CSMD1: variants seen among roughly 807,000 people sequenced by gnomAD.
CSMD1 encodes CUB and sushi domain-containing protein 1.
Under a neutral mutation model 417.5 loss-of-function variants are expected in CSMD1, and 213 were observed. The observed-to-expected ratio is 0.51, with a 90% CI of 0.46 to 0.57. CSMD1 has a LOEUF of 0.57. Among genes scored for constraint, CSMD1 ranks in the 20% least tolerant of loss-of-function variants. CSMD1 has a pLI of 0.00. For synonymous variants in CSMD1, 2,862 were observed against 1,736.8 expected, an observed-to-expected ratio of 1.65 and a Z score of -16.11; for missense variants, 6,923 against 4,529.7, an observed-to-expected ratio of 1.53 and a Z score of -15.17.
In CSMD1 at chr8:3,359,048, T is replaced by C. The variant is rs1175134664; in HGVS notation, c.3304+104A>G. 4 of 1,060,548 alleles carry C rather than the reference T, an allele frequency of 3.8e-6. No individual in the cohort carries two copies. The East Asian group carries it at 9.7e-5, about 26-fold the overall frequency. 65.7% of individuals were successfully genotyped at this position (1,060,548 alleles called of 1,614,324 possible). A position where few individuals can be genotyped will look rare whatever the true frequency, so the allele number is the denominator to read the frequency against. ...GGAGCCCACACTTTCACCCTCTCCT[T>C]CCTTGTCAACAAACCCCCACCCGAC... On this transcript the variant is annotated intron_variant, in intron 21 of 69. Transcript: ENST00000635120.
chr8:3,492,298 C>G (rs956518936), intron 11 of CSMD1, among the ~76,000 whole-genome samples: 1 of 152,118 alleles, frequency 6.6e-6, no homozygotes, highest in Non-Finnish European at 1.5e-5. Flanking sequence ...AATAAGGAGA[C>G]TTTTCTCCTC....
In CSMD1 at chr8:4,940,328, G is replaced by A. The variant is rs140934305; in HGVS notation, c.85+54004C>T. 5.0e-3 allele frequency among the ~76,000 whole-genome samples: 761 copies of A among 152,248 alleles called. 7 individuals are homozygous for A. The highest frequency in any genetic ancestry group is 0.017 in the African/African-American group (715 of 41,546). On this transcript the variant is annotated intron_variant, in intron 1 of 69. Coordinates refer to ENST00000635120, the MANE Select transcript of CSMD1 (RefSeq NM_033225.6). ...GCTTCAATCTGAATTATTTTCTGAC[G>A]TGCCCATGTAATTTCACATTTTTAA...
intron 42 of CSMD1, among the ~76,000 whole-genome samples, chr8:3,116,523 G>A (rs1008244250): frequency 4.6e-5 from 7 of 152,170 alleles, no homozygotes; most frequent in Admixed American, 1.3e-4. Flanking sequence ...GGTTTTGGGA[G>A]TCTGAAGGGG....
intron 3 of CSMD1, among the ~76,000 whole-genome samples, chr8:4,277,490 T>C (rs1032750492): frequency 6.6e-6 from 1 of 152,144 alleles, no homozygotes; most frequent in African/African-American, 2.4e-5. Flanking sequence ...AAAAAGCATA[T>C]TCTCATTGTT....
chr8:3,785,679 G>C (rs982173152), intron 5 of CSMD1, among the ~76,000 whole-genome samples: 2 of 152,150 alleles, frequency 1.3e-5, no homozygotes, highest in Admixed American at 1.3e-4. Context: ...GGGTGAGTGT[G>C]GGCTGTGTGC....
At chr8:4,330,040 C>G (rs1799780169) in intron 3 of CSMD1, among the ~76,000 whole-genome samples, 1 of 152,246 alleles carries the variant, frequency 6.6e-6, no homozygotes, top group East Asian at 1.9e-4. Context: ...CCAATTAAAC[C>G]TCTTTTCTTC....
At chr8:3,767,038 G>C (rs1345895567) in intron 5 of CSMD1, among the ~76,000 whole-genome samples, 1 of 152,136 alleles carries the variant, frequency 6.6e-6, no homozygotes, top group Admixed American at 6.5e-5. Context: ...CATAACTCCG[G>C]AGCTCTTCAG....
rs148608209 is a variant in CSMD1 at position 4,378,045 on chromosome 8, G to A, written c.415+41908C>T. ...TATTCCCTCTAATATACAGGTAAGT[G>A]TAACACCCACTACTCATTCAATTAC... On this transcript the variant is annotated intron_variant, in intron 3 of 69. Transcript: ENST00000635120. Among the ~76,000 whole-genome samples the A allele has an allele frequency of 1.2e-3, 182 of 152,258 alleles. 2 individuals are homozygous for A. The East Asian group carries it at 0.027, about 23-fold the overall frequency.
At chr8:4,570,859 G>C (rs931562344) in intron 2 of CSMD1, among the ~76,000 whole-genome samples, 3 of 152,110 alleles carry the variant, frequency 2.0e-5, no homozygotes, top group Non-Finnish European at 4.4e-5. Flanking sequence ...CTTCTTCCTG[G>C]TTTAGTCTTG....
intron 5 of CSMD1, among the ~76,000 whole-genome samples, chr8:3,954,448 C>T (rs1034048874): frequency 6.6e-6 from 1 of 152,118 alleles, no homozygotes; most frequent in African/African-American, 2.4e-5. Context: ...CTCACTGCAA[C>T]CTCCTCCTCC....
At chr8:3,460,738 A>T (rs1025014628) in intron 12 of CSMD1, among the ~76,000 whole-genome samples, 3 of 152,220 alleles carry the variant, frequency 2.0e-5, no homozygotes, top group African/African-American at 7.2e-5. Context: ...AACAATAATT[A>T]TAAATCTGTT....
At chr8:3,282,530 G>A (rs571337569) in intron 26 of CSMD1, among the ~76,000 whole-genome samples, 1 of 113,702 alleles carries the variant, frequency 8.8e-6, no homozygotes, top group African/African-American at 3.0e-5. Context: ...AAAAGATTAA[G>A]AAAATTTTAT....
intron 1 of CSMD1, among the ~76,000 whole-genome samples, chr8:4,836,356 G>A (rs1347064474): frequency 6.6e-6 from 1 of 152,098 alleles, no homozygotes; most frequent in Non-Finnish European, 1.5e-5. Flanking sequence ...AGACTTCTAT[G>A]TGGAGCCATG....
chr8:3,584,777 A>C (rs1420858238), intron 9 of CSMD1, among the ~76,000 whole-genome samples: 1 of 152,212 alleles, frequency 6.6e-6, no homozygotes, highest in Non-Finnish European at 1.5e-5. Flanking sequence ...AGAGCAAGAA[A>C]ACTATTGAAG....
chr8:3,700,553 T>G (rs1265673386), intron 7 of CSMD1: 2 of 152,234 alleles, frequency 1.3e-5, no homozygotes, highest in African/African-American at 4.8e-5. Context: ...TCGGGGCTGG[T>G]TAGTACTTGG....
rs140221799 is a variant in CSMD1 at position 3,114,449 on chromosome 8, A to C, written c.6430+3950T>G. Among the ~76,000 whole-genome samples, 782 of 149,322 alleles carry C rather than the reference A, an allele frequency of 5.2e-3. 9 individuals are homozygous for C. Among genetic ancestry groups the C allele is most frequent in the African/African-American group, 0.018 (751 of 41,064 alleles). On this transcript the variant is annotated intron_variant, in intron 42 of 69. Transcript: ENST00000635120. ...ATAAAAATATAATAAATATGTTATA[A>C]TATATATATTAATATAAAAATATCT...
At chr8:4,319,161 A>G (rs760613583) in intron 3 of CSMD1, among the ~76,000 whole-genome samples, 5 of 152,196 alleles carry the variant, frequency 3.3e-5, no homozygotes, top group Non-Finnish European at 5.9e-5. Context: ...ATACCTGAAA[A>G]TTTAAACTGT....
At chr8:4,162,455 A>C (rs987735032) in intron 3 of CSMD1, among the ~76,000 whole-genome samples, 2 of 152,212 alleles carry the variant, frequency 1.3e-5, no homozygotes, top group African/African-American at 4.8e-5. Context: ...GGTGAATTCA[A>C]GACTTACACA....
rs564620309 is a variant in CSMD1, at chr8:4,083,781, G to A, written c.416-51682C>T. Among the ~76,000 whole-genome samples, 16 of 152,270 alleles carry A rather than the reference G, an allele frequency of 1.1e-4. No individual in the cohort carries two copies. In the South Asian group the frequency reaches 3.1e-3, roughly 30 times the overall value. On this transcript the variant is annotated intron_variant, in intron 3 of 69. Coordinates refer to ENST00000635120, the MANE Select transcript of CSMD1 (RefSeq NM_033225.6). ...ATTACCATTCAGGACATAGGCATGGGCAAGGACTTCATGTCTATAACACCA... is the reference window on the plus strand; with the variant it reads ...ATTACCATTCAGGACATAGGCATGGACAAGGACTTCATGTCTATAACACCA...
Sources: allele counts gnomAD v4.1 joint callset (sites outside exome capture counted in the v4.1 genomes callset), GRCh38; gene constraint gnomAD v4.1.1; transcripts MANE v1.5; gene names NCBI Gene and HGNC (gene_info 2026-07-23, HGNC 2026-07-21).